The following OCA2 variants were observed in gnomAD, a reference collection of about 807,000 sequenced individuals.
OCA2 encodes the protein P protein.
Under a neutral mutation model 100.2 loss-of-function variants are expected in OCA2, and 77 were observed. The ratio of observed to expected loss-of-function variants is 0.77; its 90% confidence interval spans 0.64 to 0.93. The LOEUF is 0.93. Among genes scored for constraint, OCA2 ranks in the 40% least tolerant of loss-of-function variants. The pLI is 0.00. For synonymous variants in OCA2, 432 were observed against 439.2 expected (o/e 0.98, Z 0.21); for missense variants, 1,062 against 1,089.1 (o/e 0.98, Z 0.35).
intron 20 of OCA2, 61 bp downstream of exon 20, chr15:27,871,802 T>C (rs1457441187): frequency 1.6e-6 from 2 of 1,224,542 alleles, no homozygotes; most frequent in South Asian, 2.5e-5. Flanking sequence ...TTTTTTTTAA[T>C]TTTTTTCACA....
chr15:27,723,701 C>T, the OCA2 span, among the ~76,000 whole-genome samples: 1 of 152,030 alleles, frequency 6.6e-6, no homozygotes, highest in Non-Finnish European at 1.5e-5. Flanking sequence ...GTAGATAGTC[C>T]CCTCCCTCAT....
chr15:28,014,823 T>C lies in OCA2; in HGVS notation c.997A>G (p.Ile333Val). 1 of 1,614,062 alleles carries C rather than the reference T, an allele frequency of 6.2e-7. No individual in the cohort carries two copies. Among genetic ancestry groups the C allele is most frequent in the Non-Finnish European group, 8.5e-7 (1 of 1,180,022 alleles). Residue 333 changes from isoleucine (I) to valine (V), a missense_variant, in exon 9 of 24, where the codon ATC (isoleucine) becomes GTC (valine). Coordinates refer to ENST00000354638, the MANE Select transcript of OCA2 (RefSeq NM_000275.3). ...LRGSVETQVT[I>V]ATAILAGVYA... Reference sequence around the variant, plus strand: ...ACGCCCGCGAGGATGGCCGTCGCGATGGTCACCTGGGTTTCTACACTTCCG... The same window carrying C: ...ACGCCCGCGAGGATGGCCGTCGCGACGGTCACCTGGGTTTCTACACTTCCG...
intron 23 of OCA2, among the ~76,000 whole-genome samples, chr15:27,791,931 G>A (rs182155075): frequency 1.1e-4 from 16 of 152,312 alleles, no homozygotes; most frequent in Admixed American, 8.5e-4. Flanking sequence ...TCAAGCCCAC[G>A]ATGTTCCCTT....
intron 21 of OCA2, among the ~76,000 whole-genome samples, chr15:27,860,433 T>C (rs1327427829): frequency 6.6e-6 from 1 of 152,220 alleles, no homozygotes; most frequent in Non-Finnish European, 1.5e-5. Context: ...CGGTAGTTTT[T>C]CAACCCTCGT....
chr15:27,764,268 G>T lies in OCA2; in HGVS notation c.2433-8796C>A, dbSNP rs2031082982. Among the ~76,000 whole-genome samples, 4 of 151,924 alleles carry T rather than the reference G, an allele frequency of 2.6e-5. No homozygotes were observed. The South Asian group carries it at 8.3e-4, about 32-fold the overall frequency. On this transcript the variant is annotated intron_variant, in intron 23 of 23. Coordinates refer to ENST00000354638, the MANE Select transcript of OCA2 (RefSeq NM_000275.3). Reference sequence around the variant, plus strand: ...GGAGAGGCAGGAGGGGGAGGAGATTGGCATCAAATGCCAGCTCTAGTATTT... The same window carrying T: ...GGAGAGGCAGGAGGGGGAGGAGATTTGCATCAAATGCCAGCTCTAGTATTT...
At chr15:28,071,216 G>C (rs1413666533) in intron 2 of OCA2, among the ~76,000 whole-genome samples, 1 of 149,754 alleles carries the variant, frequency 6.7e-6, no homozygotes, top group African/African-American at 2.5e-5. Context: ...GCTAACCAAG[G>C]AGTTGAAAGA....
At chr15:28,072,953 A>G (rs2044311448) in intron 2 of OCA2, among the ~76,000 whole-genome samples, 1 of 152,210 alleles carries the variant, frequency 6.6e-6, no homozygotes. Flanking sequence ...TATTGGGTAG[A>G]TATGCAAAAG....
At chr15:27,772,965 A>G (rs1402834136) in intron 23 of OCA2, among the ~76,000 whole-genome samples, 1 of 152,048 alleles carries the variant, frequency 6.6e-6, no homozygotes, top group Admixed American at 6.6e-5. Flanking sequence ...ATTTCCCCTT[A>G]TATTTTCTGA....
intron 3 of OCA2, among the ~76,000 whole-genome samples, chr15:28,028,651 C>T (rs1011076905): frequency 6.6e-6 from 1 of 152,128 alleles, no homozygotes; most frequent in Non-Finnish European, 1.5e-5. Flanking sequence ...CTTGAAAACA[C>T]ATCCGTTTAC....
chr15:27,776,987 G>A (rs2032270344), intron 23 of OCA2, among the ~76,000 whole-genome samples: 1 of 150,926 alleles, frequency 6.6e-6, no homozygotes, highest in African/African-American at 2.4e-5. Context: ...GGGGGGGTGG[G>A]GGGAGTGTTG....
chr15:27,791,167 G>A (rs1015703712), intron 23 of OCA2, among the ~76,000 whole-genome samples: 2 of 151,970 alleles, frequency 1.3e-5, no homozygotes, highest in African/African-American at 4.8e-5. Flanking sequence ...CTTGTTACCA[G>A]GCAGCCTTGT....
chr15:27,785,815 T>C (rs1314789854), intron 23 of OCA2, among the ~76,000 whole-genome samples: 1 of 152,126 alleles, frequency 6.6e-6, no homozygotes, highest in Non-Finnish European at 1.5e-5. Context: ...GCATTATTCA[T>C]AATAGCCAAA....
At chr15:27,871,110 T>C (rs778576426) in intron 21 of OCA2, 44 bp downstream of exon 21, 1 of 1,428,386 alleles carries the variant, frequency 7.0e-7, no homozygotes, top group Non-Finnish European at 9.9e-7. Flanking sequence ...CCAGGCTATG[T>C]CCAGGCTAAA....
intron 2 of OCA2, among the ~76,000 whole-genome samples, chr15:28,081,030 T>A (rs2044604828): frequency 6.6e-6 from 1 of 152,024 alleles, no homozygotes; most frequent in South Asian, 2.1e-4. Context: ...TCACGACAAG[T>A]GGGCGCTAAC....
chr15:27,896,405 G>A lies in OCA2; in HGVS notation c.2080-24483C>T, dbSNP rs886913767. The A allele has an allele frequency of 4.1e-6, 3 of 723,160 alleles. No individual in the cohort carries two copies. The African/African-American group carries it at 5.2e-5, about 13-fold the overall frequency. 44.8% of individuals were successfully genotyped at this position (723,160 alleles called of 1,614,324 possible). On this transcript the variant is annotated intron_variant, in intron 19 of 23. Coordinates refer to ENST00000354638, the MANE Select transcript of OCA2 (RefSeq NM_000275.3). The stretch of plus-strand genomic sequence containing the variant: ...GTGTAACTCCAGACATGATGGAGGA[G>A]ATGTAAAAGAAAGCTCATGCTGCTA...
intron 2 of OCA2, among the ~76,000 whole-genome samples, chr15:28,038,089 T>C (rs2043098219): frequency 6.6e-6 from 1 of 151,482 alleles, no homozygotes; most frequent in Non-Finnish European, 1.5e-5. Flanking sequence ...TCTTCTCCTC[T>C]CTTTCTCTCT....
At position 27,940,953 on chromosome 15, in the gene OCA2, C is replaced by G. The variant is rs116660497; in HGVS notation, c.1951+10831G>C. ...AATGTGACCACAGTGTAGCTTCAGA[C>G]AAGCAAGTGAAAATGTTGACACAAC... On this transcript the variant is annotated intron_variant, in intron 18 of 23. Transcript: ENST00000354638. Among the ~76,000 whole-genome samples the G allele has an allele frequency of 4.2e-3, 633 of 152,276 alleles. 3 individuals are homozygous for G. The highest frequency in any genetic ancestry group is 0.014 in the African/African-American group (597 of 41,548).
intron 14 of OCA2, among the ~76,000 whole-genome samples, chr15:27,982,066 T>TTTCG (rs2041182760): frequency 6.6e-6 from 1 of 151,866 alleles, no homozygotes; most frequent in Admixed American, 6.6e-5. Context: ...TTTGGTTTAT[T>TTTCG]TTTGTTTTGT....
chr15:27,810,246 A>G (rs995254484), intron 23 of OCA2, among the ~76,000 whole-genome samples: 2 of 152,248 alleles, frequency 1.3e-5, no homozygotes, highest in Non-Finnish European at 2.9e-5. Flanking sequence ...AAACAGAAAC[A>G]TAAAGTGGAA....
Sources: gnomAD v4.1 joint callset for allele counts (sites outside exome capture counted in the v4.1 genomes callset) on GRCh38, gnomAD v4.1.1 for gene constraint, MANE v1.5 for transcripts, NCBI Gene and HGNC (gene_info 2026-07-23, HGNC 2026-07-21) for gene names.